MED16: variants seen among roughly 807,000 people sequenced by gnomAD.
MED16 encodes the protein mediator complex subunit 16.
A neutral mutation model predicts 84.4 loss-of-function variants in MED16; 81 were observed. That is an observed-to-expected ratio of 0.96 (90% CI 0.80 to 1.15). The LOEUF is 1.15. Ranked by LOEUF, MED16 falls within the 50% of genes most tolerant of loss-of-function variation. MED16 has a pLI of 0.00. For synonymous variants in MED16, 897 were observed against 552.2 expected, an observed-to-expected ratio of 1.62 and a Z score of -8.76; for missense variants, 1,585 against 1,245.9, an observed-to-expected ratio of 1.27 and a Z score of -4.10.
At chr19:881,816 C>T in intron 6 of MED16, 102 bp from the exon 7 acceptor site, 2 of 1,405,310 alleles carry the variant, frequency 1.4e-6, no homozygotes, top group Non-Finnish European at 9.8e-7. Flanking sequence ...TGCCCAGGGC[C>T]CTTCCCAGGT....
chr19:879,059 CCACCAG>C (rs1568326694), intron 8 of MED16, among the ~76,000 whole-genome samples: 1 of 137,664 alleles, frequency 7.3e-6, no homozygotes, highest in Non-Finnish European at 1.6e-5. Flanking sequence ...TTGTCAATGC[CCACCAG>C]CCCCAGCCCC....
intron 8 of MED16, among the ~76,000 whole-genome samples, chr19:878,964 C>T (rs1356121656): frequency 6.7e-6 from 1 of 150,218 alleles, no homozygotes; most frequent in Non-Finnish European, 1.5e-5. Flanking sequence ...CTCCACGTGC[C>T]CCAGCAGCTC....
chr19:889,139 T>C (rs1328630179), intron 4 of MED16, among the ~76,000 whole-genome samples: 1 of 123,430 alleles, frequency 8.1e-6, no homozygotes, highest in Admixed American at 8.8e-5. Context: ...TGGCCACGCC[T>C]ACTCTTAACT....
intron 9 of MED16, among the ~76,000 whole-genome samples, chr19:876,239 G>C (rs1041022226): frequency 3.3e-5 from 5 of 152,228 alleles, no homozygotes; most frequent in East Asian, 1.9e-4. Context: ...GGCTGAGCTC[G>C]TTAGATCTGA....
chr19:888,783 CCGA>C (rs1240052209), intron 4 of MED16, among the ~76,000 whole-genome samples: 1 of 152,178 alleles, frequency 6.6e-6, no homozygotes, highest in Non-Finnish European at 1.5e-5. Flanking sequence ...CGGCAATGCG[CCGA>C]CAATGGCAGT....
rs376654451 is a variant in MED16 at position 871,230 on chromosome 19, C to T, written c.2122G>A (p.Glu708Lys). Residue 708 changes from glutamate (E) to lysine (K), a missense_variant, in exon 13 of 16, where the codon GAG becomes AAG. Physicochemically the swap from Glu to Lys is moderately conservative, Grantham distance 56 (BLOSUM62 1). Transcript: ENST00000325464. ...ICCRDEGPAS[E>K]PDEALVDECC... ...TCATCCACCAGCGCCTCGTCCGGCT[C>T]GCTCGCTGGGCCCTCATCGCGACCT... 7.1e-6 allele frequency: 11 copies of T among 1,542,330 alleles called. No homozygotes were observed. The highest frequency in any genetic ancestry group is 4.1e-5 in the African/African-American group (3 of 73,076).
chr19:877,765 ACCAGCCCCAGCC>A (rs558471017), intron 8 of MED16, among the ~76,000 whole-genome samples: 1,086 of 52,438 alleles, frequency 0.021, 5 homozygotes, highest in African/African-American at 0.03. Flanking sequence ...GTCAATGCCC[ACCAGCCCCAGCC>A]CCAGCCCCAG....
At position 876,877 on chromosome 19, in the gene MED16, G is replaced by C. The variant is rs1040469355; in HGVS notation, c.1560+97C>G. ...ACCTGGCACGGGACCACCTGCCACG[G>C]GGCCCCCACCTGCCACGGGGCCCCA... On this transcript the variant is annotated intron_variant, in intron 9 of 15. Coordinates refer to ENST00000325464, the MANE Select transcript of MED16 (RefSeq NM_005481.3). 7 of 1,286,678 alleles carry C rather than the reference G, an allele frequency of 5.4e-6. No individual in the cohort carries two copies. In the East Asian group the frequency reaches 1.8e-4, roughly 33 times the overall value. 79.7% of individuals were successfully genotyped at this position (1,286,678 alleles called of 1,614,324 possible).
chr19:885,057 C>G, intron 5 of MED16, 49 bp from the exon 6 acceptor site: 4 of 1,409,042 alleles, frequency 2.8e-6, no homozygotes, highest in Non-Finnish European at 3.9e-6. Flanking sequence ...CTGTGGTGGC[C>G]ACGCCACCAC....
At chr19:886,403 C>T (rs889351786) in intron 4 of MED16, among the ~76,000 whole-genome samples, 2 of 152,350 alleles carry the variant, frequency 1.3e-5, no homozygotes, top group South Asian at 2.1e-4. Flanking sequence ...GTGGAAGGAA[C>T]GGCACCTTTG....
chr19:888,466 G>T (rs1462088284), intron 4 of MED16, among the ~76,000 whole-genome samples: 2 of 150,146 alleles, frequency 1.3e-5, no homozygotes, highest in African/African-American at 4.9e-5. Flanking sequence ...AGAGGTTGCT[G>T]TGAGCCAAGA....
At chr19:878,252 AGCCCCAC>A (rs2036311826) in intron 8 of MED16, among the ~76,000 whole-genome samples, 3 of 22,560 alleles carry the variant, frequency 1.3e-4, no homozygotes, top group Admixed American at 6.0e-4. Context: ...CCCCAGCCCC[AGCCCCAC>A]GGGCCCCAGC....
At position 868,090 on chromosome 19, in the gene MED16, A is replaced by G. The variant is rs1252241565; in HGVS notation, c.*11T>C. 7 of 1,597,904 alleles carry G rather than the reference A, an allele frequency of 4.4e-6. No homozygotes were observed. The highest frequency in any genetic ancestry group is 1.8e-5 in the Admixed American group (1 of 55,788). ...CCGGGTCACCACAAGGTCCGCCTGG[A>G]CCCCCGGCCGTCACGGACGGTCCTC... On this transcript the variant is annotated 3_prime_UTR_variant, in exon 16 of 16. Transcript: ENST00000325464.
At chr19:885,404 G>A (rs898673679) in intron 5 of MED16, among the ~76,000 whole-genome samples, 1 of 152,174 alleles carries the variant, frequency 6.6e-6, no homozygotes, top group Non-Finnish European at 1.5e-5. Context: ...CACAGAGAAG[G>A]GACCTGCGGG....
At chr19:881,534 G>A (rs202003208) in intron 7 of MED16, 25 bp downstream of exon 7, 138 of 1,597,386 alleles carry the variant, frequency 8.6e-5, no homozygotes, top group South Asian at 2.2e-4. Flanking sequence ...GAGGCCCCGC[G>A]TGGCTGCCGC....
At chr19:880,404 A>G (rs2036395713) in intron 7 of MED16, among the ~76,000 whole-genome samples, 1 of 152,198 alleles carries the variant, frequency 6.6e-6, no homozygotes, top group Admixed American at 6.5e-5. Context: ...AGCTGGGCCC[A>G]TGTCCTGGCT....
intron 8 of MED16, among the ~76,000 whole-genome samples, chr19:878,256 C>A (rs2036312054): frequency 1.6e-5 from 1 of 62,600 alleles, no homozygotes; most frequent in Non-Finnish European, 3.0e-5. Context: ...AGCCCCAGCC[C>A]CACGGGCCCC....
At chr19:884,639 C>G (rs1568330701) in intron 6 of MED16, among the ~76,000 whole-genome samples, 1 of 152,212 alleles carries the variant, frequency 6.6e-6, no homozygotes, top group Non-Finnish European at 1.5e-5. Flanking sequence ...CGACACCTCT[C>G]AGCCTCGGCC....
chr19:887,903 G>A (rs1054679931), intron 4 of MED16, among the ~76,000 whole-genome samples: 1 of 151,632 alleles, frequency 6.6e-6, no homozygotes, highest in African/African-American at 2.4e-5. Context: ...TCCTTTTCGG[G>A]TGATGAGAAG....
Sources: allele counts gnomAD v4.1 joint callset (sites outside exome capture counted in the v4.1 genomes callset), GRCh38; gene constraint gnomAD v4.1.1; transcripts MANE v1.5; gene names NCBI Gene and HGNC (gene_info 2026-07-23, HGNC 2026-07-21).